The following PDE4B variants were observed in gnomAD, a reference collection of about 807,000 sequenced individuals.
PDE4B encodes 3',5'-cyclic-AMP phosphodiesterase 4B.
Under a neutral mutation model 82.2 loss-of-function variants are expected in PDE4B, and 20 were observed. The observed-to-expected ratio is 0.24, with a 90% CI of 0.17 to 0.35. The LOEUF is 0.35. Among genes scored for constraint, PDE4B ranks in the 10% least tolerant of loss-of-function variants. The pLI is 1.00. For missense variants in PDE4B, 655 were observed against 907.2 expected, an observed-to-expected ratio of 0.72 and a Z score of 3.57; for synonymous variants, 320 against 318.9, an observed-to-expected ratio of 1.00 and a Z score of -0.04.
intron 3 of PDE4B, among the ~76,000 whole-genome samples, chr1:66,242,944 A>G (rs1254518978): frequency 6.6e-6 from 1 of 152,202 alleles, no homozygotes; most frequent in African/African-American, 2.4e-5. Flanking sequence ...CACCAGGAGA[A>G]TAACTGTGGG....
intron 3 of PDE4B, among the ~76,000 whole-genome samples, chr1:66,173,013 A>G (rs1418467797): frequency 6.6e-6 from 1 of 152,242 alleles, no homozygotes; most frequent in Non-Finnish European, 1.5e-5. Context: ...ATGAATGATT[A>G]TAAATCAGCA....
At chr1:66,073,858 T>G (rs1466111009) in intron 3 of PDE4B, among the ~76,000 whole-genome samples, 1 of 152,092 alleles carries the variant, frequency 6.6e-6, no homozygotes, top group Non-Finnish European at 1.5e-5. Context: ...TGTGTATTAC[T>G]TAATGGTATG....
At position 66,118,221 on chromosome 1, in the gene PDE4B, G is replaced by C. The variant is rs567760149; in HGVS notation, c.282-129239G>C. Among the ~76,000 whole-genome samples the C allele has an allele frequency of 7.9e-5, 12 of 152,224 alleles. No homozygotes were observed. The East Asian group carries it at 2.3e-3, about 29-fold the overall frequency. ...TTTGACCCAGCCATCCCATTACTGGGTATATGCCCAAAGGATTATAAATCA... is the reference window on the plus strand; with the variant it reads ...TTTGACCCAGCCATCCCATTACTGGCTATATGCCCAAAGGATTATAAATCA... On this transcript the variant is annotated intron_variant, in intron 3 of 16. Coordinates refer to ENST00000341517, the MANE Select transcript of PDE4B (RefSeq NM_002600.4).
At chr1:66,013,167 C>A (rs1201570509) in intron 3 of PDE4B, among the ~76,000 whole-genome samples, 1 of 152,026 alleles carries the variant, frequency 6.6e-6, no homozygotes, top group Non-Finnish European at 1.5e-5. Flanking sequence ...TAACTCTCCC[C>A]AACACCATTC....
intron 6 of PDE4B, among the ~76,000 whole-genome samples, chr1:66,262,561 T>C (rs1023942890): frequency 6.6e-6 from 1 of 152,240 alleles, no homozygotes; most frequent in African/African-American, 2.4e-5. Context: ...TAACTTCTTA[T>C]GATTCTTCCA....
At chr1:66,002,132 GTGAGGGCA>G (rs1651898842) in intron 3 of PDE4B, among the ~76,000 whole-genome samples, 1 of 152,122 alleles carries the variant, frequency 6.6e-6, no homozygotes, top group South Asian at 2.1e-4. Context: ...TTCTGTATGT[GTGAGGGCA>G]TTTTGTATTG....
chr1:65,950,399 T>C (rs776027454), intron 3 of PDE4B, among the ~76,000 whole-genome samples: 1 of 152,078 alleles, frequency 6.6e-6, no homozygotes, highest in Non-Finnish European at 1.5e-5. Context: ...ATCCCCATCT[T>C]TACAGTCTGT....
Position 66,368,026 on chromosome 1 carries a change from A to G in PDE4B, c.1623A>G (p.Ser541=). The G allele has an allele frequency of 6.2e-7, 1 of 1,613,910 alleles. No individual in the cohort carries two copies. The highest frequency in any genetic ancestry group is 1.3e-5 in the African/African-American group (1 of 75,046). Residue 541 remains serine (S), a synonymous_variant, in exon 15 of 17, where the codon TCA becomes TCG. Coordinates refer to ENST00000341517, the MANE Select transcript of PDE4B (RefSeq NM_002600.4). ...TAGAAACGAAGAAAGTTACAAGTTC[A>G]GGCGTTCTTCTCCTAGACAACTATA... ...TMVETKKVTS[S]GVLLLDNYTD...
intron 3 of PDE4B, among the ~76,000 whole-genome samples, chr1:66,218,909 TG>T (rs1173184773): frequency 6.6e-6 from 1 of 152,170 alleles, no homozygotes; most frequent in East Asian, 1.9e-4. Flanking sequence ...GTTTTAATTG[TG>T]GGATTTAATT....
chr1:66,020,053 G>A (rs6683044), intron 3 of PDE4B, among the ~76,000 whole-genome samples: 16,754 of 152,116 alleles, frequency 0.11, 1,827 homozygotes, highest in African/African-American at 0.27. Flanking sequence ...CTATCGACAA[G>A]CATATATTGA....
chr1:66,344,513 GT>G (rs968261353), intron 8 of PDE4B, among the ~76,000 whole-genome samples: 91 of 152,120 alleles, frequency 6.0e-4, no homozygotes, highest in African/African-American at 2.1e-3. Context: ...ATTGTCTAAT[GT>G]TGTCTGCCAT....
At chr1:66,080,681 G>A (rs965590551) in intron 3 of PDE4B, among the ~76,000 whole-genome samples, 1 of 152,040 alleles carries the variant, frequency 6.6e-6, no homozygotes, top group Non-Finnish European at 1.5e-5. Context: ...GGTACACTCT[G>A]GCCTTCTTAT....
intron 3 of PDE4B, among the ~76,000 whole-genome samples, chr1:66,032,653 ATTTTTTTTT>A (rs368856631): frequency 9.1e-6 from 1 of 110,448 alleles, no homozygotes; most frequent in Admixed American, 9.2e-5. Context: ...CATTTATCTA[ATTTTTTTTT>A]TTTTTTTTTT....
At chr1:66,210,468 C>A (rs576909522) in intron 3 of PDE4B, among the ~76,000 whole-genome samples, 1 of 151,386 alleles carries the variant, frequency 6.6e-6, no homozygotes, top group Non-Finnish European at 1.5e-5. Context: ...TGGTAGTGCG[C>A]GCTTGTAGTC....
chr1:65,980,117 G>A (rs957595642), intron 3 of PDE4B, among the ~76,000 whole-genome samples: 7 of 152,076 alleles, frequency 4.6e-5, no homozygotes, highest in African/African-American at 1.7e-4. Context: ...TTCAACATTT[G>A]TTTGAAATAA....
upstream of PDE4B, among the ~76,000 whole-genome samples, chr1:65,792,787 C>T (rs1645585977): frequency 6.6e-6 from 1 of 151,962 alleles, no homozygotes; most frequent in South Asian, 2.1e-4. Flanking sequence ...CATTGTTATT[C>T]CCCGCACCCG....
chr1:66,191,676 G>A (rs1027659544), intron 3 of PDE4B, among the ~76,000 whole-genome samples: 3 of 152,064 alleles, frequency 2.0e-5, no homozygotes, highest in African/African-American at 7.2e-5. Flanking sequence ...TTGTCTTTAA[G>A]GAGTATTAGT....
intron 1 of PDE4B, among the ~76,000 whole-genome samples, chr1:65,835,235 A>T (rs2101314830): frequency 6.6e-6 from 1 of 152,248 alleles, no homozygotes; most frequent in Admixed American, 6.5e-5. Flanking sequence ...ATAGGGCAGT[A>T]CATAGGAAAT....
intron 3 of PDE4B, among the ~76,000 whole-genome samples, chr1:65,981,483 A>C (rs1024147842): frequency 6.6e-5 from 10 of 151,812 alleles, no homozygotes; most frequent in African/African-American, 2.4e-4. Flanking sequence ...AATTGGAGTT[A>C]ATAGGTTTTT....
Sources: gnomAD v4.1 joint callset for allele counts (sites outside exome capture counted in the v4.1 genomes callset) on GRCh38, gnomAD v4.1.1 for gene constraint, MANE v1.5 for transcripts, NCBI Gene and HGNC (gene_info 2026-07-23, HGNC 2026-07-21) for gene names.